The following KHDRBS3 variants were observed in gnomAD, a reference collection of about 807,000 sequenced individuals.
KHDRBS3 encodes KH domain-containing, RNA-binding, signal transduction-associated protein 3.
A neutral mutation model predicts 45.6 loss-of-function variants in KHDRBS3; 23 were observed. The observed-to-expected ratio is 0.50, with a 90% CI of 0.36 to 0.72. KHDRBS3 has a LOEUF of 0.72. KHDRBS3 is among the 30% of genes least tolerant of loss of function. The pLI is 0.00. For synonymous variants in KHDRBS3, 162 were observed against 156.5 expected, an observed-to-expected ratio of 1.04 and a Z score of -0.26; for missense variants, 352 against 424.8, an observed-to-expected ratio of 0.83 and a Z score of 1.51.
At chr8:135,650,563 A>T (rs1831408508), downstream of KHDRBS3, among the ~76,000 whole-genome samples, 1 of 152,218 alleles carries the variant, frequency 6.6e-6, no homozygotes, top group Admixed American at 6.5e-5. Context: ...GGTGAATTTC[A>T]CACTTATGTT....
rs570417857 is a variant in KHDRBS3, at chr8:135,605,998, T to G, written c.808-957T>G. On this transcript the variant is annotated intron_variant, in intron 6 of 8. Coordinates refer to ENST00000355849, the MANE Select transcript of KHDRBS3 (RefSeq NM_006558.3). ...TCCATGGTTTCTTGTTTTTGTTGTT[T>G]AGTGACTTTTCTAAACTAATCTTAT... Among the ~76,000 whole-genome samples, 13 of 152,320 alleles carry G rather than the reference T, an allele frequency of 8.5e-5. No individual in the cohort carries two copies. In the East Asian group the frequency reaches 2.5e-3, roughly 29 times the overall value.
chr8:135,509,461 A>G (rs777514232), intron 1 of KHDRBS3, among the ~76,000 whole-genome samples: 11 of 152,248 alleles, frequency 7.2e-5, no homozygotes, highest in Non-Finnish European at 1.5e-4. Context: ...TAATTATTCA[A>G]CTTGTTAGAT....
Position 135,638,526 on chromosome 8 carries a change from A to G in KHDRBS3, c.891-6533A>G, listed in dbSNP as rs148707606. On this transcript the variant is annotated intron_variant, in intron 7 of 8. Transcript: ENST00000355849. ...AAACATCATACTCAACAAACTGGAA[A>G]ACTAACACCTTGAATAAACAGCTCA... Among the ~76,000 whole-genome samples the G allele has an allele frequency of 6.6e-5, 10 of 152,372 alleles. No homozygotes were observed. The East Asian group carries it at 1.7e-3, about 26-fold the overall frequency.
chr8:135,647,296 GA>G lies in KHDRBS3; in HGVS notation c.*218del. 2 of 356,810 alleles carry G rather than the reference GA, an allele frequency of 5.6e-6. No individual in the cohort carries two copies. The highest frequency in any genetic ancestry group is 2.1e-5 in the African/African-American group (1 of 46,616). The allele number at this position is 356,810 out of a possible 1,614,324, so 22.1% of individuals were successfully genotyped here. Reference sequence around the variant, plus strand: ...ATTTTGTTATTTCCAGTCTGTATATGAAAAAATAGGTCATCAAAAGGAAAAA... The same window carrying G: ...ATTTTGTTATTTCCAGTCTGTATATGAAAAATAGGTCATCAAAAGGAAAAA... On this transcript the variant is annotated 3_prime_UTR_variant, in exon 9 of 9. Transcript: ENST00000355849.
At chr8:135,639,172 G>A (rs1830951652) in intron 7 of KHDRBS3, among the ~76,000 whole-genome samples, 1 of 152,154 alleles carries the variant, frequency 6.6e-6, no homozygotes, top group Admixed American at 6.5e-5. Flanking sequence ...CCTTGATAAG[G>A]GATGAAAAGT....
chr8:135,463,842 T>C (rs956761504), intron 1 of KHDRBS3, among the ~76,000 whole-genome samples: 50 of 152,170 alleles, frequency 3.3e-4, no homozygotes, highest in African/African-American at 1.1e-3. Context: ...GAATGACTTA[T>C]ATCTTCTACC....
intron 1 of KHDRBS3, among the ~76,000 whole-genome samples, chr8:135,475,455 G>GAGCCC (rs1486325531): frequency 6.6e-6 from 1 of 151,764 alleles, no homozygotes; most frequent in Admixed American, 6.6e-5. Flanking sequence ...GAGATTACAA[G>GAGCCC]AGCCCACCAC....
intron 6 of KHDRBS3, among the ~76,000 whole-genome samples, chr8:135,601,024 G>T (rs1005031900): frequency 6.6e-6 from 1 of 152,198 alleles, no homozygotes; most frequent in Admixed American, 6.5e-5. Context: ...TCCTTAGGTT[G>T]CTTGTGACTT....
chr8:135,505,383 C>G (rs1267825768), intron 1 of KHDRBS3, among the ~76,000 whole-genome samples: 1 of 152,196 alleles, frequency 6.6e-6, no homozygotes, highest in African/African-American at 2.4e-5. Flanking sequence ...GCTTGTGGTC[C>G]CTTGGGACCC....
intron 7 of KHDRBS3, among the ~76,000 whole-genome samples, chr8:135,619,700 C>A (rs1169105114): frequency 6.6e-6 from 1 of 152,170 alleles, no homozygotes; most frequent in African/African-American, 2.4e-5. Context: ...CTAAAACTGT[C>A]GAAGCTAAAT....
chr8:135,511,966 T>C (rs6984732), intron 1 of KHDRBS3, among the ~76,000 whole-genome samples: 16,253 of 152,212 alleles, frequency 0.11, 957 homozygotes, highest in East Asian at 0.18. Flanking sequence ...GATGAGCTTA[T>C]TTGTCCTTAT....
chr8:135,463,609 T>C lies in KHDRBS3; in HGVS notation c.88+5655T>C, dbSNP rs546979037. Reference sequence around the variant, plus strand: ...ATCAATTTGCTCTCCTTCTCTAAACTCCTAATGATATTTCTCATGACAGAT... The same window carrying C: ...ATCAATTTGCTCTCCTTCTCTAAACCCCTAATGATATTTCTCATGACAGAT... On this transcript the variant is annotated intron_variant, in intron 1 of 8. Transcript: ENST00000355849. 2.0e-5 allele frequency among the ~76,000 whole-genome samples: 3 copies of C among 152,272 alleles called. No homozygotes were observed. The South Asian group carries it at 6.2e-4, about 32-fold the overall frequency.
chr8:135,636,272 C>A (rs62525217), intron 7 of KHDRBS3, among the ~76,000 whole-genome samples: 5,974 of 152,266 alleles, frequency 0.039, 182 homozygotes, highest in Non-Finnish European at 0.061. Flanking sequence ...TTCCCGTCAT[C>A]ATACAGAAGT....
chr8:135,619,070 A>G (rs2131078641), intron 7 of KHDRBS3, among the ~76,000 whole-genome samples: 1 of 152,336 alleles, frequency 6.6e-6, no homozygotes, highest in East Asian at 1.9e-4. Context: ...GTGTAAAGGC[A>G]TAAATGCTTT....
chr8:135,569,443 C>T (rs917650786), intron 5 of KHDRBS3, among the ~76,000 whole-genome samples: 8 of 152,160 alleles, frequency 5.3e-5, no homozygotes, highest in African/African-American at 1.9e-4. Context: ...TAGGTAACGA[C>T]CAGGTAAGAG....
intron 1 of KHDRBS3, among the ~76,000 whole-genome samples, chr8:135,499,496 A>G (rs1823624950): frequency 6.6e-6 from 1 of 152,134 alleles, no homozygotes; most frequent in Non-Finnish European, 1.5e-5. Flanking sequence ...ATGTTCTTTT[A>G]TCTACACAAA....
chr8:135,617,281 TTTTATTTTA>T (rs1829959113), intron 7 of KHDRBS3, among the ~76,000 whole-genome samples: 2 of 83,672 alleles, frequency 2.4e-5, no homozygotes, highest in African/African-American at 4.5e-5. Context: ...TTTTATTTTA[TTTTATTTTA>T]TTTTTCAGAG....
intron 7 of KHDRBS3, among the ~76,000 whole-genome samples, chr8:135,620,344 T>C (rs1830087960): frequency 6.6e-6 from 1 of 152,110 alleles, no homozygotes; most frequent in African/African-American, 2.4e-5. Context: ...CAAAGCGATC[T>C]GTCCGCCTCA....
chr8:135,548,151 C>A (rs1826402733), intron 3 of KHDRBS3, among the ~76,000 whole-genome samples: 2 of 152,058 alleles, frequency 1.3e-5, no homozygotes, highest in Admixed American at 1.3e-4. Flanking sequence ...AATGTTTAAT[C>A]ATTCATTCAA....
Sources: allele counts gnomAD v4.1 joint callset (sites outside exome capture counted in the v4.1 genomes callset), GRCh38; gene constraint gnomAD v4.1.1; transcripts MANE v1.5; gene names NCBI Gene and HGNC (gene_info 2026-07-23, HGNC 2026-07-21).